Variants in ALPK1 observed in about 807,000 individuals in gnomAD.
ALPK1 encodes alpha-protein kinase 1.
A neutral mutation model predicts 120.6 loss-of-function variants in ALPK1; 110 were observed. The observed-to-expected ratio is 0.91, with a 90% confidence interval of 0.78 to 1.07. The LOEUF (loss-of-function observed/expected upper bound fraction) is 1.07, where lower values mean the gene tolerates loss of function less well. Among genes scored for constraint, ALPK1 ranks in the 50% least tolerant of loss-of-function variants. The pLI is 0.00. For missense variants in ALPK1, 1,498 were observed against 1,483.9 expected (o/e 1.01, Z -0.16); for synonymous variants, 582 against 560.3 (o/e 1.04, Z -0.55).
At chr4:112,429,301 G>C in intron 10 of ALPK1, 48 bp downstream of exon 10, 1 of 1,462,310 alleles carries the variant, frequency 6.8e-7, no homozygotes, top group South Asian at 1.2e-5. Context: ...CCTCTCCCAG[G>C]GTGCTTTCTG....
At chr4:112,396,249 C>A (rs1045632448) in intron 4 of ALPK1, among the ~76,000 whole-genome samples, 3 of 152,152 alleles carry the variant, frequency 2.0e-5, no homozygotes, top group African/African-American at 7.2e-5. Flanking sequence ...GACACAAAAG[C>A]CTTTCATAAA....
intron 4 of ALPK1, among the ~76,000 whole-genome samples, chr4:112,387,679 C>CATA (rs944193095): frequency 4.6e-5 from 7 of 151,790 alleles, no homozygotes; most frequent in African/African-American, 1.5e-4. Flanking sequence ...GAAAAGACAC[C>CATA]ATAATAATAA....
rs147784288 is a variant in ALPK1, at chr4:112,429,369, T to G, written c.900+116T>G. 446 of 800,226 alleles carry G rather than the reference T, an allele frequency of 5.6e-4. 2 individuals carry two copies. In the East Asian group the frequency reaches 9.5e-3, roughly 17 times the overall value. The allele number at this position is 800,226 out of a possible 1,614,324, so 49.6% of individuals were successfully genotyped here. On this transcript the variant is annotated intron_variant, in intron 10 of 15. Coordinates refer to ENST00000650871, the MANE Select transcript of ALPK1 (RefSeq NM_025144.4). ...TCAAACAGGCTTTGTGTCTCATCAG[T>G]GGCAATTGTGATAAGACTCCACACC...
chr4:112,431,155 G>A lies in ALPK1; in HGVS notation c.1608G>A (p.Arg536=), dbSNP rs1210674080. ...AGAGGGAACTCAGAAGGGGAGGAAG[G>A]AGAAACTGGACCCATTCTGATGCAT... is the stretch of plus-strand genomic sequence containing the variant. ...NVQRELRRGG[R]RNWTHSDAFR... The change falls in exon 11 of 16, where the codon AGG becomes AGA. Residue 536 remains arginine (R), a synonymous_variant. Coordinates refer to ENST00000650871, the MANE Select transcript of ALPK1 (RefSeq NM_025144.4). 1 of 1,614,152 alleles carries A rather than the reference G, an allele frequency of 6.2e-7. No individual in the cohort carries two copies. Among genetic ancestry groups the A allele is most frequent in the Non-Finnish European group, 8.5e-7 (1 of 1,180,024 alleles).
intron 4 of ALPK1, among the ~76,000 whole-genome samples, chr4:112,390,178 G>A (rs1167605351): frequency 2.0e-5 from 3 of 152,192 alleles, no homozygotes; most frequent in Non-Finnish European, 4.4e-5. Context: ...GGCTGCCCCT[G>A]CTGCATCATC....
chr4:112,340,909 T>A (rs1487662047), intron 2 of ALPK1, among the ~76,000 whole-genome samples: 4 of 152,220 alleles, frequency 2.6e-5, no homozygotes, highest in Admixed American at 2.0e-4. Flanking sequence ...GATGTGTGAT[T>A]TGCAGTCCAT....
intron 1 of ALPK1, among the ~76,000 whole-genome samples, chr4:112,312,034 C>G (rs1331449868): frequency 2.0e-5 from 3 of 152,028 alleles, no homozygotes; most frequent in Non-Finnish European, 4.4e-5. Context: ...TCTAGAGGCA[C>G]AAAGACTGGT....
At chr4:112,299,696 T>C (rs1204906530) in intron 1 of ALPK1, among the ~76,000 whole-genome samples, 1 of 152,206 alleles carries the variant, frequency 6.6e-6, no homozygotes, top group Non-Finnish European at 1.5e-5. Flanking sequence ...ATCTGTTCAA[T>C]TTCCTAAGTA....
intron 4 of ALPK1, among the ~76,000 whole-genome samples, chr4:112,410,688 A>G (rs1733414134): frequency 6.6e-6 from 1 of 152,224 alleles, no homozygotes; most frequent in African/African-American, 2.4e-5. Flanking sequence ...CTACGTAACC[A>G]CTAAATCAAA....
intron 2 of ALPK1, chr4:112,357,681 C>A: frequency 6.3e-7 from 1 of 1,597,380 alleles, no homozygotes. Context: ...GAGGCCCCGA[C>A]GGAGCCCAGT....
chr4:112,423,806 T>C (rs7654378), intron 5 of ALPK1, 138 bp from the exon 6 acceptor site: 74,100 of 830,976 alleles, frequency 0.089, 3,726 homozygotes, highest in Non-Finnish European at 0.11. Flanking sequence ...CATTGTTGAT[T>C]TTAAATTATA....
chr4:112,441,493 C>G lies in ALPK1; in HGVS notation c.*283C>G, dbSNP rs896790614. Reference sequence around the variant, plus strand: ...TGAGAAAGGCATGTGTTGTTTAAGCCATTGAGATTTTAGAGCTTTTTGTCA... The same window carrying G: ...TGAGAAAGGCATGTGTTGTTTAAGCGATTGAGATTTTAGAGCTTTTTGTCA... On this transcript the variant is annotated 3_prime_UTR_variant, in exon 16 of 16. Coordinates refer to ENST00000650871, the MANE Select transcript of ALPK1 (RefSeq NM_025144.4). 2.3e-6 allele frequency: 1 copy of G among 437,516 alleles called. No homozygotes were observed. Among genetic ancestry groups the G allele is most frequent in the African/African-American group, 2.0e-5 (1 of 50,376 alleles). 27.1% of individuals were successfully genotyped at this position (437,516 alleles called of 1,614,324 possible).
rs1216525747 is a variant in ALPK1 at position 112,439,573 on chromosome 4, T to C, written c.3352-113T>C. The C allele has an allele frequency of 5.2e-6, 4 of 771,298 alleles. No homozygotes were observed. The African/African-American group carries it at 5.4e-5, about 10-fold the overall frequency. The allele number at this position is 771,298 out of a possible 1,614,324, so 47.8% of individuals were successfully genotyped here. ...ATACCTACTTTACCCATGATGAAATTGAAGCTCAGAGAAGCAAAGTGGCAG... is the reference window on the plus strand; with the variant it reads ...ATACCTACTTTACCCATGATGAAATCGAAGCTCAGAGAAGCAAAGTGGCAG... On this transcript the variant is annotated intron_variant, in intron 13 of 15. Transcript: ENST00000650871.
intron 1 of ALPK1, among the ~76,000 whole-genome samples, chr4:112,297,771 C>A (rs1727605215): frequency 6.6e-6 from 1 of 152,012 alleles, no homozygotes; most frequent in African/African-American, 2.4e-5. Context: ...GTTTTAATAA[C>A]AAGTTTCTTA....
intron 13 of ALPK1, among the ~76,000 whole-genome samples, chr4:112,439,352 T>A (rs1734925362): frequency 6.6e-6 from 1 of 152,200 alleles, no homozygotes; most frequent in East Asian, 1.9e-4. Flanking sequence ...CTAGAGTCCC[T>A]GAGCATGATC....
chr4:112,319,734 AG>A (rs1728783964), intron 2 of ALPK1, among the ~76,000 whole-genome samples: 2 of 152,274 alleles, frequency 1.3e-5, no homozygotes, highest in African/African-American at 4.8e-5. Flanking sequence ...AGTATTTTGT[AG>A]TTTTCCTTGT....
intron 4 of ALPK1, among the ~76,000 whole-genome samples, chr4:112,406,999 C>T (rs916702866): frequency 2.6e-5 from 4 of 152,114 alleles, no homozygotes; most frequent in Middle Eastern, 3.2e-3. Context: ...TCCCATGTAA[C>T]GTCAAACTTT....
chr4:112,430,581 T>C lies in ALPK1; in HGVS notation c.1034T>C (p.Val345Ala). The C allele has an allele frequency of 3.7e-6, 6 of 1,614,150 alleles. No homozygotes were observed. The highest frequency in any genetic ancestry group is 5.1e-6 in the Non-Finnish European group (6 of 1,180,018). ...GLLTKRDDEP[V>A]TGKQELHSFV... Reference sequence around the variant, plus strand: ...CTCACCAAGAGAGATGATGAGCCTGTTACTGGAAAACAGGAGCTTCACAGC... The same window carrying C: ...CTCACCAAGAGAGATGATGAGCCTGCTACTGGAAAACAGGAGCTTCACAGC... Residue 345 changes from valine to alanine, a missense_variant, in exon 11 of 16, where the codon GTT becomes GCT. Val to Ala is a moderately conservative substitution (Grantham distance 64, BLOSUM62 0). Coordinates refer to ENST00000650871, the MANE Select transcript of ALPK1 (RefSeq NM_025144.4).
At chr4:112,407,609 G>A (rs767734451) in intron 4 of ALPK1, among the ~76,000 whole-genome samples, 1 of 152,110 alleles carries the variant, frequency 6.6e-6, no homozygotes. Flanking sequence ...TCCTTTTCTC[G>A]TTTAGATTTT....
Sources: gnomAD v4.1 joint callset for allele counts (sites outside exome capture counted in the v4.1 genomes callset) on GRCh38, gnomAD v4.1.1 for gene constraint, MANE v1.5 for transcripts, NCBI Gene and HGNC (gene_info 2026-07-23, HGNC 2026-07-21) for gene names.